The following COPS7B variants were observed in gnomAD, a reference collection of about 807,000 sequenced individuals.
The protein encoded by COPS7B is COP9 signalosome complex subunit 7b.
COPS7B carries 9 observed loss-of-function variants against 33.4 expected under a neutral mutation model. The observed-to-expected ratio is 0.27, with a 90% CI of 0.16 to 0.47. COPS7B has a LOEUF of 0.47. COPS7B is among the 20% of genes least tolerant of loss of function. The pLI is 0.99. For synonymous variants in COPS7B, 119 were observed against 126.3 expected, an observed-to-expected ratio of 0.94 and a Z score of 0.39; for missense variants, 242 against 318.2, an observed-to-expected ratio of 0.76 and a Z score of 1.82.
chr2:231,793,949 T>G (rs1018137095), intron 3 of COPS7B: 3 of 309,316 alleles, frequency 9.7e-6, no homozygotes, highest in African/African-American at 6.5e-5. Context: ...CAACAGATGC[T>G]CGATGAAGAT....
At chr2:231,792,027 C>G (rs1316419478) in intron 3 of COPS7B, 1 of 675,752 alleles carries the variant, frequency 1.5e-6, no homozygotes, top group Non-Finnish European at 2.8e-6. Context: ...TGCTCATCCA[C>G]AAATGTAGCC....
Position 231,798,313 on chromosome 2 carries a change from A to G in COPS7B, c.531-546A>G, listed in dbSNP as rs188383906. 7.9e-5 allele frequency among the ~76,000 whole-genome samples: 11 copies of G among 139,466 alleles called. No homozygotes were observed. The East Asian group carries it at 8.2e-4, about 10-fold the overall frequency. The allele number at this position is 139,466 out of a possible 152,430, so 91.5% of individuals were successfully genotyped here. On this transcript the variant is annotated intron_variant, in intron 5 of 6. Coordinates refer to ENST00000350033, the MANE Select transcript of COPS7B (RefSeq NM_022730.4). ...GCTCTGTCACCCAGGCTGGAGTGCA[A>G]TTGCGTGGTCTCAGCTCACTGCAAC... is the stretch of plus-strand genomic sequence containing the variant.
At chr2:231,786,804 C>G (rs1213062963) in intron 1 of COPS7B, among the ~76,000 whole-genome samples, 1 of 152,180 alleles carries the variant, frequency 6.6e-6, no homozygotes, top group Non-Finnish European at 1.5e-5. Flanking sequence ...GCTCGTTTGC[C>G]CCTCTCCAGT....
Position 231,791,752 on chromosome 2 carries a change from C to T in COPS7B, c.182C>T (p.Ala61Val). 6.2e-7 allele frequency: 1 copy of T among 1,614,112 alleles called. No individual in the cohort carries two copies. The highest frequency in any genetic ancestry group is 2.2e-5 in the East Asian group (1 of 44,886). Residue 61 changes from alanine to valine, a missense_variant, in exon 3 of 7, where the codon GCT becomes GTT. By Grantham distance (64) the Ala-to-Val change is moderately conservative. Transcript: ENST00000350033. ...CTTCAGCTTGCGGAAGGAGCTAATG[C>T]TGCTTATTTGCAGTTGTTGAACCTG... The part of the protein sequence containing the change: ...NVQELAEGAN[A>V]AYLQLLNLFA...
rs1040524635 is a variant in COPS7B, at chr2:231,809,181, T to C, written c.*1536T>C. On this transcript the variant is annotated 3_prime_UTR_variant, in exon 7 of 7. Transcript: ENST00000350033. Reference sequence around the variant, plus strand: ...ACTTTAATTTCCAAAGTATGTTTCATGCAGCCCCCTGTCAGCTGCTCTGTG... The same window carrying C: ...ACTTTAATTTCCAAAGTATGTTTCACGCAGCCCCCTGTCAGCTGCTCTGTG... 1 of 152,342 alleles carries C rather than the reference T, an allele frequency of 6.6e-6. No homozygotes were observed. Among genetic ancestry groups the C allele is most frequent in the Non-Finnish European group, 1.5e-5 (1 of 68,080 alleles). The allele number at this position is 152,342 out of a possible 1,614,324, so 9.4% of individuals were successfully genotyped here. A position where few individuals can be genotyped will look rare whatever the true frequency, so the allele number is the denominator to read the frequency against.
At chr2:231,804,248 ATT>A (rs5839418) in intron 6 of COPS7B, among the ~76,000 whole-genome samples, 97 of 138,184 alleles carry the variant, frequency 7.0e-4, no homozygotes, top group African/African-American at 1.2e-3. Context: ...GTATAAGCTG[ATT>A]TTTTTTTTTT....
intron 6 of COPS7B, among the ~76,000 whole-genome samples, chr2:231,799,700 C>A (rs1574672465): frequency 6.6e-6 from 1 of 152,146 alleles, no homozygotes. Context: ...TTTTCCTTAG[C>A]ATTGGAAGTT....
intron 5 of COPS7B, among the ~76,000 whole-genome samples, chr2:231,798,134 G>C (rs113374539): frequency 1.3e-5 from 2 of 152,020 alleles, no homozygotes; most frequent in Non-Finnish European, 2.9e-5. Flanking sequence ...TGATCCGCCT[G>C]CCTCGGCCTC....
intron 1 of COPS7B, among the ~76,000 whole-genome samples, 189 bp from the exon 2 acceptor site, chr2:231,788,366 C>T (rs950325348): frequency 6.6e-6 from 1 of 152,158 alleles, no homozygotes; most frequent in African/African-American, 2.4e-5. Context: ...GAACTCCTCA[C>T]CTCAGGTGAT....
chr2:231,798,343 G>A (rs1206675596), intron 5 of COPS7B, among the ~76,000 whole-genome samples: 6 of 134,676 alleles, frequency 4.5e-5, no homozygotes, highest in Admixed American at 4.2e-4. Context: ...TGCAACCTCC[G>A]CCTCCCGGGT....
rs927734789 is a variant in COPS7B, at chr2:231,808,361, T to G, written c.*716T>G. The G allele has an allele frequency of 2.2e-6, 1 of 452,896 alleles. No homozygotes were observed. Among genetic ancestry groups the G allele is most frequent in the African/African-American group, 2.0e-5 (1 of 49,490 alleles). 28.1% of individuals were successfully genotyped at this position (452,896 alleles called of 1,614,324 possible). A position where few individuals can be genotyped will look rare whatever the true frequency, so the allele number is the denominator to read the frequency against. On this transcript the variant is annotated 3_prime_UTR_variant, in exon 7 of 7. Coordinates refer to ENST00000350033, the MANE Select transcript of COPS7B (RefSeq NM_022730.4). Reference sequence around the variant, plus strand: ...AGAAATGGTTCCTTCCGGCTTGGCGTTCTCTCCTGGCCACTCTTCCTGCTG... The same window carrying G: ...AGAAATGGTTCCTTCCGGCTTGGCGGTCTCTCCTGGCCACTCTTCCTGCTG...
upstream of COPS7B, chr2:231,786,377 G>C: frequency 1.1e-6 from 1 of 911,488 alleles, no homozygotes; most frequent in African/African-American, 1.8e-5. Flanking sequence ...GGCGGAACGC[G>C]AGTGCAGCGG....
chr2:231,806,379 G>T (rs1574685009), intron 6 of COPS7B, among the ~76,000 whole-genome samples: 1 of 152,124 alleles, frequency 6.6e-6, no homozygotes, highest in East Asian at 1.9e-4. Flanking sequence ...GTGAAACCTT[G>T]TCTCTACAAA....
chr2:231,791,765 G>A lies in COPS7B; in HGVS notation c.195G>A (p.Gln65=). 2.5e-6 allele frequency: 4 copies of A among 1,614,178 alleles called. No individual in the cohort carries two copies. The highest frequency in any genetic ancestry group is 1.7e-6 in the Non-Finnish European group (2 of 1,180,026). Residue 65 remains glutamine, a synonymous_variant, in exon 3 of 7, where the codon CAG becomes CAA. Transcript: ENST00000350033. The part of the protein sequence containing the change: ...LAEGANAAYL[Q]LLNLFAYGTY... ...AAGGAGCTAATGCTGCTTATTTGCAGTTGTTGAACCTGTTTGCCTATGGGA... is the reference window on the plus strand; with the variant it reads ...AAGGAGCTAATGCTGCTTATTTGCAATTGTTGAACCTGTTTGCCTATGGGA...
At chr2:231,804,624 G>A (rs945325130) in intron 6 of COPS7B, among the ~76,000 whole-genome samples, 9 of 152,166 alleles carry the variant, frequency 5.9e-5, no homozygotes, top group African/African-American at 2.2e-4. Context: ...CAGACAAGAT[G>A]AAATTAGGAA....
chr2:231,803,635 C>A (rs1340967756), intron 6 of COPS7B, among the ~76,000 whole-genome samples: 1 of 152,128 alleles, frequency 6.6e-6, no homozygotes, highest in Non-Finnish European at 1.5e-5. Context: ...TTGACAGGAT[C>A]TTGAATCTCA....
chr2:231,781,863 C>T, upstream of COPS7B: 1 of 1,550,848 alleles, frequency 6.4e-7, no homozygotes, highest in Non-Finnish European at 8.7e-7. Flanking sequence ...TTACATGGAA[C>T]TCAGACATCT....
intron 1 of COPS7B, among the ~76,000 whole-genome samples, chr2:231,786,842 G>A (rs1332596911): frequency 6.6e-6 from 1 of 152,196 alleles, no homozygotes; most frequent in East Asian, 1.9e-4. Flanking sequence ...TCCCCTGACG[G>A]GAATTTATCT....
intron 1 of COPS7B, among the ~76,000 whole-genome samples, chr2:231,787,633 C>T (rs2049289790): frequency 6.6e-6 from 1 of 151,932 alleles, no homozygotes; most frequent in South Asian, 2.1e-4. Context: ...AGGAGGAGGC[C>T]GAATACAGGG....
Sources: gnomAD v4.1 joint callset for allele counts (sites outside exome capture counted in the v4.1 genomes callset) on GRCh38, gnomAD v4.1.1 for gene constraint, MANE v1.5 for transcripts, NCBI Gene and HGNC (gene_info 2026-07-23, HGNC 2026-07-21) for gene names.